Variants in MTMR14 observed in about 807,000 individuals in gnomAD.
MTMR14 encodes the protein myotubularin related protein 14.
A neutral mutation model predicts 86.3 loss-of-function variants in MTMR14; 48 were observed. The observed-to-expected ratio is 0.56, with a 90% CI of 0.44 to 0.71. The LOEUF (loss-of-function observed/expected upper bound fraction) is 0.71, where lower values mean the gene tolerates loss of function less well. MTMR14 is among the 30% of genes least tolerant of loss of function. The pLI is 0.00. For missense variants in MTMR14, 780 were observed against 834.6 expected, an observed-to-expected ratio of 0.93 and a Z score of 0.81; for synonymous variants, 366 against 326.1, an observed-to-expected ratio of 1.12 and a Z score of -1.32.
At chr3:9,665,990 G>A (rs1428269998) in intron 3 of MTMR14, among the ~76,000 whole-genome samples, 2 of 151,946 alleles carry the variant, frequency 1.3e-5, no homozygotes, top group Non-Finnish European at 2.9e-5. Context: ...GCCTCCCAAA[G>A]TGCTGGTATT....
At chr3:9,687,766 G>C in intron 13 of MTMR14, 55 bp from the exon 14 acceptor site, 1 of 1,487,866 alleles carries the variant, frequency 6.7e-7, no homozygotes, top group South Asian at 1.2e-5. Flanking sequence ...CCCTCCCCTG[G>C]GAGTTCTGCT....
intron 2 of MTMR14, among the ~76,000 whole-genome samples, chr3:9,658,156 G>C (rs942166866): frequency 6.6e-6 from 1 of 152,176 alleles, no homozygotes; most frequent in Non-Finnish European, 1.5e-5. Context: ...TTGTTGAAAG[G>C]GGGGACTTCG....
intron 13 of MTMR14, among the ~76,000 whole-genome samples, chr3:9,686,819 TCAC>T (rs2075974219): frequency 6.6e-6 from 1 of 152,158 alleles, no homozygotes; most frequent in Non-Finnish European, 1.5e-5. Context: ...CCTTTGGGAA[TCAC>T]CACAGAAATG....
At position 9,649,575 on chromosome 3, in the gene MTMR14, G is replaced by C. The variant is rs144033327; in HGVS notation, c.-9G>C. On this transcript the variant is annotated 5_prime_UTR_variant, in exon 1 of 19. Coordinates refer to ENST00000296003, the MANE Select transcript of MTMR14 (RefSeq NM_001077525.3). ...CTTGAGGCACACTGAGGGGACGCGG[G>C]GCTGGGCCATGGCCGGCGCTCGGGC... The C allele has an allele frequency of 1.4e-3, 2,188 of 1,541,950 alleles. 28 individuals carry two copies. In the African/African-American group the frequency reaches 0.027, roughly 19 times the overall value.
chr3:9,665,553 A>C (rs2048200727), intron 3 of MTMR14, among the ~76,000 whole-genome samples: 1 of 152,152 alleles, frequency 6.6e-6, no homozygotes, highest in Non-Finnish European at 1.5e-5. Context: ...GTGATGAGTT[A>C]AATAGAAGTC....
chr3:9,697,192 A>T (rs2076306355), intron 17 of MTMR14, among the ~76,000 whole-genome samples: 1 of 152,130 alleles, frequency 6.6e-6, no homozygotes, highest in Admixed American at 6.5e-5. Context: ...CTCCCATTCC[A>T]TCACTCTTGA....
At chr3:9,688,572 A>G (rs910670209) in intron 14 of MTMR14, 124 bp from the exon 15 acceptor site, 2 of 1,070,582 alleles carry the variant, frequency 1.9e-6, no homozygotes, top group African/African-American at 1.6e-5. Context: ...TCCCTAGGCT[A>G]GGACCCGTCT....
chr3:9,699,901 GAAAGTAA>G (rs1293386224), intron 18 of MTMR14: 1 of 152,226 alleles, frequency 6.6e-6, no homozygotes, highest in Non-Finnish European at 1.5e-5. Context: ...TGTGAAATTA[GAAAGTAA>G]AAAGATCTCA....
At chr3:9,654,361 C>G (rs1309884892) in intron 2 of MTMR14, among the ~76,000 whole-genome samples, 1 of 152,114 alleles carries the variant, frequency 6.6e-6, no homozygotes, top group Non-Finnish European at 1.5e-5. Flanking sequence ...TGATAAAAGC[C>G]TGACATGTAC....
chr3:9,662,141 T>C lies in MTMR14; in HGVS notation c.309-126T>C, dbSNP rs2047977420. On this transcript the variant is annotated intron_variant, in intron 2 of 18. Transcript: ENST00000296003. ...TGATAGATGATATAAAATTTAGGAA[T>C]GACATTTAATTTCAAGCAAGCATTA... The C allele has an allele frequency of 1.4e-5, 10 of 720,922 alleles. No individual in the cohort carries two copies. In the Admixed American group the frequency reaches 1.5e-4, roughly 10 times the overall value. The allele number at this position is 720,922 out of a possible 1,614,324, so 44.7% of individuals were successfully genotyped here.
At chr3:9,694,149 C>T (rs2076215889) in intron 17 of MTMR14, among the ~76,000 whole-genome samples, 1 of 152,188 alleles carries the variant, frequency 6.6e-6, no homozygotes, top group African/African-American at 2.4e-5. Context: ...GAACCAATTT[C>T]TGAGTCACCC....
At chr3:9,680,552 C>G (rs1293532087) in intron 9 of MTMR14, among the ~76,000 whole-genome samples, 1 of 152,240 alleles carries the variant, frequency 6.6e-6, no homozygotes, top group African/African-American at 2.4e-5. Flanking sequence ...AGCTGATCTT[C>G]CTGCAGCCCA....
At chr3:9,688,849 T>G (rs1575063099) in intron 15 of MTMR14, 95 bp downstream of exon 15, 11 of 1,611,040 alleles carry the variant, frequency 6.8e-6, no homozygotes, top group Middle Eastern at 1.6e-4. Flanking sequence ...TTTTTTGTTT[T>G]TTTTTTTTTC....
chr3:9,672,060 T>C (rs1295265981), intron 6 of MTMR14, among the ~76,000 whole-genome samples: 1 of 152,124 alleles, frequency 6.6e-6, no homozygotes, highest in Non-Finnish European at 1.5e-5. Context: ...AAAAAAAGGG[T>C]TCCCATAGGA....
chr3:9,649,817 G>A, intron 1 of MTMR14, 75 bp downstream of exon 1: 2 of 1,586,956 alleles, frequency 1.3e-6, no homozygotes, highest in African/African-American at 1.3e-5. Context: ...GAGGCCAGGG[G>A]TCAGAAAAAG....
chr3:9,695,681 C>T (rs1329064181), intron 17 of MTMR14, among the ~76,000 whole-genome samples: 3 of 152,194 alleles, frequency 2.0e-5, no homozygotes, highest in Non-Finnish European at 2.9e-5. Flanking sequence ...AGAAACTTCC[C>T]CATGCTCCCA....
At chr3:9,668,668 G>A (rs749638128) in intron 3 of MTMR14, 51 bp from the exon 4 acceptor site, 2 of 1,592,550 alleles carry the variant, frequency 1.3e-6, no homozygotes, top group South Asian at 2.2e-5. Context: ...TCCTTCAACT[G>A]TGCATGCTTC....
At chr3:9,653,100 T>C (rs765233540) in intron 1 of MTMR14, among the ~76,000 whole-genome samples, 1 of 152,178 alleles carries the variant, frequency 6.6e-6, no homozygotes, top group Non-Finnish European at 1.5e-5. Context: ...TAGTCAGGCG[T>C]GGTTCTACGC....
intron 9 of MTMR14, among the ~76,000 whole-genome samples, chr3:9,681,944 A>G (rs2075781973): frequency 6.7e-6 from 1 of 149,126 alleles, no homozygotes; most frequent in African/African-American, 2.6e-5. Context: ...CATCTCCTCC[A>G]GACAGCCGTC....
Sources: gnomAD v4.1 joint callset for allele counts (sites outside exome capture counted in the v4.1 genomes callset) on GRCh38, gnomAD v4.1.1 for gene constraint, MANE v1.5 for transcripts, NCBI Gene and HGNC (gene_info 2026-07-23, HGNC 2026-07-21) for gene names.